Variants in C18orf54 observed in about 807,000 individuals in gnomAD.
C18orf54 encodes the protein chromosome 18 open reading frame 54.
Under a neutral mutation model 49.3 loss-of-function variants are expected in C18orf54, and 49 were observed. That is an observed-to-expected ratio of 0.99 (90% CI 0.79 to 1.26). The LOEUF is 1.26. Among genes scored for constraint, C18orf54 ranks in the 50% most tolerant of loss-of-function variants. C18orf54 has a pLI of 0.00. For synonymous variants in C18orf54, 211 were observed against 216.6 expected (o/e 0.97, Z 0.23); for missense variants, 687 against 620.6 (o/e 1.11, Z -1.14).
Position 54,360,702 on chromosome 18 carries a change from C to G in C18orf54, c.130C>G (p.Leu44Val), listed in dbSNP as rs1287489541. 6.2e-7 allele frequency: 1 copy of G among 1,613,930 alleles called. No homozygotes were observed. Among genetic ancestry groups the G allele is most frequent in the African/African-American group, 1.3e-5 (1 of 74,902 alleles). ...TGGCTCGTTTCACTATAAAGATAAG[C>G]TGTACAGATCTGCTTCTCAAGCTCT... Reference protein sequence around the residue: ...SDGSFHYKDKLYRSASQALQA... With the variant: ...SDGSFHYKDKVYRSASQALQA... The change falls in exon 3 of 9, where the codon CTG (leucine) becomes GTG (valine). Residue 44 changes from leucine (L) to valine (V), a missense_variant. Leu to Val is a conservative substitution (Grantham distance 32). Coordinates refer to ENST00000620105, the MANE Select transcript of C18orf54 (RefSeq NM_001288980.2).
chr18:54,377,383 ACT>A (rs1338111759), intron 8 of C18orf54, among the ~76,000 whole-genome samples: 1 of 151,718 alleles, frequency 6.6e-6, no homozygotes, highest in East Asian at 1.9e-4. Flanking sequence ...CTATATTGTC[ACT>A]CTGTTTTTCC....
rs1186808295 is a variant in C18orf54, at chr18:54,361,658, A to T, written c.299A>T (p.Asp100Val). ...YKPNNAFENL[D>V]HKKHSNFISC... ...CGTTTTTCAGCTTTTGAAAACCTTG[A>T]TCACAAAAAGCACTCAAACTTCATA... The change falls in exon 4 of 9, where the codon GAT (aspartate) becomes GTT (valine). Residue 100 changes from aspartate to valine, a missense_variant. Transcript: ENST00000620105. 1.3e-6 allele frequency: 2 copies of T among 1,584,122 alleles called. No individual in the cohort carries two copies. Among genetic ancestry groups the T allele is most frequent in the African/African-American group, 2.7e-5 (2 of 73,240 alleles).
intron 4 of C18orf54, 118 bp from the exon 5 acceptor site, chr18:54,362,653 G>T: frequency 2.1e-6 from 2 of 962,034 alleles, no homozygotes; most frequent in South Asian, 1.7e-5. Context: ...AACATAATTT[G>T]CTGTTATAGA....
rs745423665 is a variant in C18orf54, at chr18:54,372,617, A to G, written c.1458+20A>G. 1 of 1,542,912 alleles carries G rather than the reference A, an allele frequency of 6.5e-7. No homozygotes were observed. Among genetic ancestry groups the G allele is most frequent in the East Asian group, 2.3e-5 (1 of 43,492 alleles). On this transcript the variant is annotated intron_variant, in intron 7 of 8. Coordinates refer to ENST00000620105, the MANE Select transcript of C18orf54 (RefSeq NM_001288980.2). ...AAACAAGTAAGCACAAACATGATTTATGAATTGAGATTTGTGAATTTGTAT... is the reference window on the plus strand; with the variant it reads ...AAACAAGTAAGCACAAACATGATTTGTGAATTGAGATTTGTGAATTTGTAT...
Position 54,374,197 on chromosome 18 carries a change from G to C in C18orf54, c.1459-17G>C, listed in dbSNP as rs759496153. 8.2e-5 allele frequency: 125 copies of C among 1,517,500 alleles called. No homozygotes were observed. The East Asian group carries it at 2.9e-3, about 35-fold the overall frequency. 94.0% of individuals were successfully genotyped at this position (1,517,500 alleles called of 1,614,324 possible). ...ATAATTTTAATATTTTGTTATATTT[G>C]GTGTTTTTAATAATAGGTTTCAGAA... On this transcript the variant is annotated splice_polypyrimidine_tract_variant and intron_variant, in intron 7 of 8. Coordinates refer to ENST00000620105, the MANE Select transcript of C18orf54 (RefSeq NM_001288980.2).
chr18:54,363,120 A>T (rs950306092), intron 5 of C18orf54, among the ~76,000 whole-genome samples, 199 bp downstream of exon 5: 9 of 152,202 alleles, frequency 5.9e-5, no homozygotes, highest in Non-Finnish European at 1.0e-4. Flanking sequence ...GGTACTTTAT[A>T]TAACATCTGT....
intron 2 of C18orf54, among the ~76,000 whole-genome samples, chr18:54,359,570 CAA>C (rs1421959126): frequency 1.3e-5 from 2 of 152,116 alleles, no homozygotes; most frequent in Non-Finnish European, 2.9e-5. Flanking sequence ...GTTGTTATAA[CAA>C]ATATTTCTAA....
At chr18:54,370,270 CTG>C (rs2089462772) in intron 6 of C18orf54, among the ~76,000 whole-genome samples, 1 of 137,828 alleles carries the variant, frequency 7.3e-6, no homozygotes, top group African/African-American at 2.6e-5. Context: ...GAGCGAGACT[CTG>C]TCTCAAAAAA....
chr18:54,378,091 C>CTTTA (rs35286005), intron 8 of C18orf54, 83 bp from the exon 9 acceptor site: 856,051 of 913,484 alleles, frequency 0.94, 401,766 homozygotes, highest in East Asian at 0.99. Flanking sequence ...TAATAGTCAA[C>CTTTA]TTTATTTATT....
chr18:54,360,128 G>A (rs1203796299), intron 2 of C18orf54, among the ~76,000 whole-genome samples: 1 of 152,096 alleles, frequency 6.6e-6, no homozygotes, highest in African/African-American at 2.4e-5. Flanking sequence ...ATGGTAGTAG[G>A]CTTATGATTT....
In C18orf54 at chr18:54,360,215, T is replaced by C. The variant is rs1261070440; in HGVS notation, c.-46-312T>C. 2.0e-5 allele frequency among the ~76,000 whole-genome samples: 3 copies of C among 152,316 alleles called. No homozygotes were observed. In the East Asian group the frequency reaches 5.8e-4, roughly 29 times the overall value. The stretch of plus-strand genomic sequence containing the variant: ...ATCACCATAAGAGAAAAGAGGTTCA[T>C]AAGTAGTTTTTAGGACTTTTTAAGA... On this transcript the variant is annotated intron_variant, in intron 2 of 8. Transcript: ENST00000620105.
chr18:54,362,886 A>T lies in C18orf54; in HGVS notation c.1188A>T (p.Glu396Asp). Residue 396 changes from glutamate to aspartate, a missense_variant, in exon 5 of 9, where the codon GAA becomes GAT. By Grantham distance (45) the Glu-to-Asp change is conservative (BLOSUM62 2). Coordinates refer to ENST00000620105, the MANE Select transcript of C18orf54 (RefSeq NM_001288980.2). ...DDSPCSLDKL[E>D]ADRSWENIPV... ...GTCCTTGCTCATTAGATAAACTTGA[A>T]GCAGACAGATCATGGGAAAATATTC... 1.2e-6 allele frequency: 2 copies of T among 1,610,356 alleles called. No homozygotes were observed. Among genetic ancestry groups the T allele is most frequent in the African/African-American group, 1.3e-5 (1 of 74,920 alleles).
At chr18:54,369,391 A>C (rs985491598) in intron 6 of C18orf54, among the ~76,000 whole-genome samples, 1 of 151,698 alleles carries the variant, frequency 6.6e-6, no homozygotes, top group African/African-American at 2.4e-5. Context: ...ATACATGCAA[A>C]GTGGTTTTAG....
chr18:54,360,912 T>C lies in C18orf54; in HGVS notation c.283+57T>C, dbSNP rs770245504. 4.1e-6 allele frequency: 6 copies of C among 1,478,826 alleles called. No individual in the cohort carries two copies. In the East Asian group the frequency reaches 1.4e-4, roughly 34 times the overall value. The allele number at this position is 1,478,826 out of a possible 1,614,324, so 91.6% of individuals were successfully genotyped here. On this transcript the variant is annotated intron_variant, in intron 3 of 8. Transcript: ENST00000620105. ...CAGATGTTTTGAAGCATTTGGGAGA[T>C]GTACTGTAGTATTGTAAAGTTTGAC...
At chr18:54,363,170 A>T (rs141602491) in intron 5 of C18orf54, among the ~76,000 whole-genome samples, 124 of 152,290 alleles carry the variant, frequency 8.1e-4, no homozygotes, top group Non-Finnish European at 1.2e-3. Context: ...TAAAATATTG[A>T]TAAGCATCTT....
Position 54,379,934 on chromosome 18 carries a change from C to T in C18orf54, c.*1688C>T, listed in dbSNP as rs1274663214. 3 of 152,030 alleles carry T rather than the reference C, an allele frequency of 2.0e-5. No homozygotes were observed. The highest frequency in any genetic ancestry group is 6.6e-5 in the Admixed American group (1 of 15,266). The allele number at this position is 152,030 out of a possible 1,614,324, so 9.4% of individuals were successfully genotyped here. A position where few individuals can be genotyped will look rare whatever the true frequency, so the allele number is the denominator to read the frequency against. ...AGTGCTCCTATTCATGAGAACATAT[C>T]TCCAATACTAAATGAGATAAGCCTG... On this transcript the variant is annotated 3_prime_UTR_variant, in exon 9 of 9. Transcript: ENST00000620105.
Position 54,360,791 on chromosome 18 carries a change from T to C in C18orf54, c.219T>C (p.Ile73=). Residue 73 remains isoleucine (I), a synonymous_variant, in exon 3 of 9, where the codon ATT becomes ATC. Coordinates refer to ENST00000620105, the MANE Select transcript of C18orf54 (RefSeq NM_001288980.2). ...QIYPGASTGK[I]NIDEDFTNMS... is the part of the protein sequence containing the mutation. ...ATCCTGGTGCAAGCACTGGAAAAATTAACATTGATGAGGATTTTACTAATA... is the reference window on the plus strand; with the variant it reads ...ATCCTGGTGCAAGCACTGGAAAAATCAACATTGATGAGGATTTTACTAATA... 3.1e-6 allele frequency: 5 copies of C among 1,613,536 alleles called. No individual in the cohort carries two copies. The highest frequency in any genetic ancestry group is 4.2e-6 in the Non-Finnish European group (5 of 1,179,506).
At chr18:54,370,642 C>G (rs957297060) in intron 6 of C18orf54, among the ~76,000 whole-genome samples, 6 of 152,152 alleles carry the variant, frequency 3.9e-5, no homozygotes, top group Non-Finnish European at 7.4e-5. Flanking sequence ...AATGACAAGT[C>G]TCAGAACAAA....
In C18orf54 at chr18:54,362,223, T is replaced by C; in HGVS notation, c.864T>C (p.Cys288=). ...RVYQIFKDDQ[C]SPRHSHQAQG... ...ATCAGATATTTAAAGATGATCAGTGTTCCCCTAGACATAGTCATCAGGCAC... is the reference window on the plus strand; with the variant it reads ...ATCAGATATTTAAAGATGATCAGTGCTCCCCTAGACATAGTCATCAGGCAC... The change falls in exon 4 of 9, where the codon TGT becomes TGC. Residue 288 remains cysteine, a synonymous_variant. Coordinates refer to ENST00000620105, the MANE Select transcript of C18orf54 (RefSeq NM_001288980.2). 6.5e-7 allele frequency: 1 copy of C among 1,536,394 alleles called. No homozygotes were observed. Among genetic ancestry groups the C allele is most frequent in the South Asian group, 1.2e-5 (1 of 84,066 alleles).
Sources: gnomAD v4.1 joint callset for allele counts (sites outside exome capture counted in the v4.1 genomes callset) on GRCh38, gnomAD v4.1.1 for gene constraint, MANE v1.5 for transcripts, NCBI Gene and HGNC (gene_info 2026-07-23, HGNC 2026-07-21) for gene names.